The following NRCAM variants were observed in gnomAD, a reference collection of about 807,000 sequenced individuals.
The protein encoded by NRCAM is NgCAM-related cell adhesion molecule.
In NRCAM, 83 loss-of-function variants were observed where a neutral mutation model predicts 156.5. The ratio of observed to expected loss-of-function variants is 0.53; its 90% CI spans 0.44 to 0.64. The LOEUF (loss-of-function observed/expected upper bound fraction) is 0.64, where lower values mean the gene tolerates loss of function less well. Ranked by LOEUF, NRCAM falls within the 30% of genes least tolerant of loss-of-function variation. The pLI is 0.00. For synonymous variants in NRCAM, 538 were observed against 563.9 expected, an observed-to-expected ratio of 0.95 and a Z score of 0.65; for missense variants, 1,417 against 1,597.3, an observed-to-expected ratio of 0.89 and a Z score of 1.92.
intron 30 of NRCAM, among the ~76,000 whole-genome samples, chr7:108,166,468 G>A (rs374111328): frequency 4.6e-5 from 7 of 151,860 alleles, no homozygotes; most frequent in South Asian, 4.2e-4. Flanking sequence ...GGCTGGTCTC[G>A]AACTCCTGAC....
At chr7:108,255,197 C>T (rs930705657) in intron 3 of NRCAM, among the ~76,000 whole-genome samples, 1 of 145,660 alleles carries the variant, frequency 6.9e-6, no homozygotes, top group Non-Finnish European at 1.5e-5. Flanking sequence ...CCACTTTCCA[C>T]GGTCTCCCTC....
At chr7:108,303,894 T>C (rs1322442706) in intron 3 of NRCAM, among the ~76,000 whole-genome samples, 2 of 152,298 alleles carry the variant, frequency 1.3e-5, no homozygotes, top group Admixed American at 6.5e-5. Context: ...ATAATATATA[T>C]GTATATTTTC....
chr7:108,451,943 A>G (rs985785305), intron 1 of NRCAM, among the ~76,000 whole-genome samples: 2 of 152,222 alleles, frequency 1.3e-5, no homozygotes, highest in African/African-American at 4.8e-5. Context: ...GTTTAATGGC[A>G]TATCTTATGT....
chr7:108,189,479 T>G (rs915258580), intron 20 of NRCAM, among the ~76,000 whole-genome samples, 166 bp downstream of exon 20: 2 of 152,206 alleles, frequency 1.3e-5, no homozygotes, highest in Non-Finnish European at 2.9e-5. Context: ...CAGGAATAGT[T>G]TCAGCTCTGA....
rs529220473 is a variant in NRCAM at position 108,385,962 on chromosome 7, C to T, written c.-174+13474G>A. Among the ~76,000 whole-genome samples, 177 of 151,884 alleles carry T rather than the reference C, an allele frequency of 1.2e-3. 1 individual carries two copies. Among genetic ancestry groups the T allele is most frequent in the Admixed American group, 5.8e-3 (88 of 15,238 alleles). ...AAGAGAGAGAATATGAATATCAATG[C>T]GAGTATGTAAGCAGAGCTGTTTTAG... is the stretch of plus-strand genomic sequence containing the variant. On this transcript the variant is annotated intron_variant, in intron 2 of 32. Transcript: ENST00000379028.
intron 2 of NRCAM, among the ~76,000 whole-genome samples, chr7:108,378,995 A>G (rs2099689344): frequency 6.6e-6 from 1 of 152,130 alleles, no homozygotes; most frequent in Non-Finnish European, 1.5e-5. Flanking sequence ...ATTAAGCTGA[A>G]AGGCTAATGT....
chr7:108,201,762 C>T (rs1467770309), intron 13 of NRCAM, among the ~76,000 whole-genome samples: 1 of 152,084 alleles, frequency 6.6e-6, no homozygotes, highest in Non-Finnish European at 1.5e-5. Context: ...TATTTTTTTA[C>T]CTGAAAGGCA....
chr7:108,397,507 T>A (rs557462156), intron 2 of NRCAM, among the ~76,000 whole-genome samples: 95 of 152,318 alleles, frequency 6.2e-4, no homozygotes, highest in African/African-American at 1.6e-3. Context: ...CAGTGCAGGC[T>A]CTGTTATAAC....
chr7:108,185,735 G>GGAA (rs1554525196), intron 20 of NRCAM, among the ~76,000 whole-genome samples: 2 of 128,496 alleles, frequency 1.6e-5, no homozygotes, highest in Non-Finnish European at 1.6e-5. Flanking sequence ...AGAGAGAGAG[G>GGAA]AAAAAAAAAA....
intron 2 of NRCAM, among the ~76,000 whole-genome samples, chr7:108,312,964 T>C (rs1261156932): frequency 6.6e-6 from 1 of 152,200 alleles, no homozygotes; most frequent in East Asian, 1.9e-4. Context: ...CATTAAAGGA[T>C]TCCAGCCTAG....
At chr7:108,313,616 G>A (rs1169409251) in intron 2 of NRCAM, among the ~76,000 whole-genome samples, 1 of 152,096 alleles carries the variant, frequency 6.6e-6, no homozygotes, top group Non-Finnish European at 1.5e-5. Context: ...GCTTATGTAT[G>A]TGTTATAAAA....
intron 20 of NRCAM, among the ~76,000 whole-genome samples, chr7:108,187,825 G>T (rs6959831): frequency 9.9e-5 from 15 of 151,320 alleles, no homozygotes; most frequent in Admixed American, 2.0e-4. Flanking sequence ...TGTGGTGGCG[G>T]GCGCCTGTAG....
chr7:108,182,688 C>T lies in NRCAM; in HGVS notation c.2530+7G>A. 6.2e-7 allele frequency: 1 copy of T among 1,612,058 alleles called. No homozygotes were observed. Among genetic ancestry groups the T allele is most frequent in the Non-Finnish European group, 8.5e-7 (1 of 1,178,232 alleles). Reference sequence around the variant, plus strand: ...GCTGGGGAAAAGTAGGAAATGGCATCACTTACGGTCTTCTCCAGAATGTCC... The same window carrying T: ...GCTGGGGAAAAGTAGGAAATGGCATTACTTACGGTCTTCTCCAGAATGTCC... On this transcript the variant is annotated splice_region_variant and intron_variant, in intron 23 of 32. Coordinates refer to ENST00000379028, the MANE Select transcript of NRCAM (RefSeq NM_001037132.4).
At chr7:108,242,724 T>C (rs1309341156) in intron 3 of NRCAM, among the ~76,000 whole-genome samples, 8 of 152,218 alleles carry the variant, frequency 5.3e-5, no homozygotes, top group Non-Finnish European at 1.0e-4. Flanking sequence ...ATGGAGATTA[T>C]TGGACTTAAG....
intron 28 of NRCAM, among the ~76,000 whole-genome samples, chr7:108,174,526 C>A (rs1323331914): frequency 6.6e-6 from 1 of 152,232 alleles, no homozygotes; most frequent in Non-Finnish European, 1.5e-5. Context: ...GCTGACTGGT[C>A]AACCAGCAGC....
At chr7:108,364,728 CAA>C (rs34574826) in intron 2 of NRCAM, among the ~76,000 whole-genome samples, 14 of 132,438 alleles carry the variant, frequency 1.1e-4, no homozygotes, top group Admixed American at 7.9e-5. Flanking sequence ...TACGCTAAGT[CAA>C]AAAAAAAAAA....
At position 108,399,440 on chromosome 7, in the gene NRCAM, A is replaced by G. The variant is rs2154393369; in HGVS notation, c.-178T>C. ...AGAGAACTAATTCACTCTCACCTTCAGAAGGTCCACTGGGCTAGACACCTC... is the reference window on the plus strand; with the variant it reads ...AGAGAACTAATTCACTCTCACCTTCGGAAGGTCCACTGGGCTAGACACCTC... On this transcript the variant is annotated 5_prime_UTR_variant, in exon 2 of 33. Transcript: ENST00000379028. 1 of 152,318 alleles carries G rather than the reference A, an allele frequency of 6.6e-6. No homozygotes were observed. Among genetic ancestry groups the G allele is most frequent in the East Asian group, 1.9e-4 (1 of 5,182 alleles). 9.4% of individuals were successfully genotyped at this position (152,318 alleles called of 1,614,324 possible).
chr7:108,186,155 A>C (rs1187787183), intron 20 of NRCAM, among the ~76,000 whole-genome samples: 2 of 152,226 alleles, frequency 1.3e-5, no homozygotes, highest in Non-Finnish European at 2.9e-5. Context: ...TGAACTAAAA[A>C]TATTATATGT....
At chr7:108,171,136 T>C (rs998808256) in intron 28 of NRCAM, among the ~76,000 whole-genome samples, 2 of 152,174 alleles carry the variant, frequency 1.3e-5, no homozygotes, top group Non-Finnish European at 2.9e-5. Context: ...AGCACCTATT[T>C]TGTACCATAC....
Sources: allele counts gnomAD v4.1 joint callset (sites outside exome capture counted in the v4.1 genomes callset), GRCh38; gene constraint gnomAD v4.1.1; transcripts MANE v1.5; gene names NCBI Gene and HGNC (gene_info 2026-07-23, HGNC 2026-07-21).